ITGB8: variants seen among roughly 807,000 people sequenced by gnomAD.
ITGB8 encodes the protein integrin subunit beta 8.
A neutral mutation model predicts 89.5 loss-of-function variants in ITGB8; 30 were observed. The ratio of observed to expected loss-of-function variants is 0.34; its 90% confidence interval spans 0.25 to 0.45. The LOEUF (loss-of-function observed/expected upper bound fraction) is 0.45. ITGB8 is among the 20% of genes least tolerant of loss of function. The pLI is 1.00. For missense variants in ITGB8, 836 were observed against 933.3 expected, an observed-to-expected ratio of 0.90 and a Z score of 1.36; for synonymous variants, 335 against 320.4, an observed-to-expected ratio of 1.05 and a Z score of -0.49.
At chr7:20,336,679 C>T (rs1248038514) in intron 1 of ITGB8, among the ~76,000 whole-genome samples, 1 of 152,216 alleles carries the variant, frequency 6.6e-6, no homozygotes, top group Non-Finnish European at 1.5e-5. Flanking sequence ...TTCCTTTCTA[C>T]TCAGAACTTT....
At chr7:20,373,646 T>C (rs76635878) in intron 3 of ITGB8, among the ~76,000 whole-genome samples, 204 of 152,308 alleles carry the variant, frequency 1.3e-3, no homozygotes, top group African/African-American at 4.7e-3. Flanking sequence ...TTCCTCACTT[T>C]ATTTCCCACA....
intron 1 of ITGB8, among the ~76,000 whole-genome samples, chr7:20,335,996 T>C (rs998612990): frequency 3.1e-5 from 3 of 97,224 alleles, no homozygotes; most frequent in African/African-American, 1.2e-4. Flanking sequence ...CCAGTCTTGG[T>C]TTTCTTTTTT....
chr7:20,354,536 G>C (rs1785223655), intron 1 of ITGB8, among the ~76,000 whole-genome samples: 1 of 152,140 alleles, frequency 6.6e-6, no homozygotes, highest in Non-Finnish European at 1.5e-5. Context: ...ATCAGACCCA[G>C]TTCTGAGAGT....
chr7:20,339,073 T>C (rs1562649598), intron 1 of ITGB8, among the ~76,000 whole-genome samples: 1 of 151,466 alleles, frequency 6.6e-6, no homozygotes, highest in East Asian at 2.0e-4. Flanking sequence ...ACACCTACAG[T>C]CCCAGCTACT....
rs957256735 is a variant in ITGB8, at chr7:20,410,742, A to G, written c.*745A>G. On this transcript the variant is annotated 3_prime_UTR_variant, in exon 14 of 14. Transcript: ENST00000222573. ...TGCTAAGTTACTACTGCCATAAAAA[A>G]CTAATAATACAATGTCACTTTATCA... 1 of 152,648 alleles carries G rather than the reference A, an allele frequency of 6.6e-6. No individual in the cohort carries two copies. The highest frequency in any genetic ancestry group is 2.4e-5 in the African/African-American group (1 of 41,466). 9.5% of individuals were successfully genotyped at this position (152,648 alleles called of 1,614,324 possible). A position where few individuals can be genotyped will look rare whatever the true frequency, so the allele number is the denominator to read the frequency against.
chr7:20,404,563 G>A, intron 10 of ITGB8, 65 bp from the exon 11 acceptor site: 1 of 1,363,280 alleles, frequency 7.3e-7, no homozygotes, highest in Non-Finnish European at 1.0e-6. Context: ...AGGAATCCAT[G>A]GTTGAAAACT....
chr7:20,341,533 T>C (rs535301532), intron 1 of ITGB8, among the ~76,000 whole-genome samples: 80 of 152,314 alleles, frequency 5.3e-4, no homozygotes, highest in Admixed American at 9.8e-4. Context: ...GTTTAGAAGA[T>C]ATAGCATGTT....
chr7:20,410,739 A>G lies in ITGB8; in HGVS notation c.*742A>G, dbSNP rs1787732012. On this transcript the variant is annotated 3_prime_UTR_variant, in exon 14 of 14. Coordinates refer to ENST00000222573, the MANE Select transcript of ITGB8 (RefSeq NM_002214.3). ...AAGTGCTAAGTTACTACTGCCATAA[A>G]AAACTAATAATACAATGTCACTTTA... is the stretch of plus-strand genomic sequence containing the variant. The G allele has an allele frequency of 6.5e-6, 1 of 152,674 alleles. No homozygotes were observed. Among genetic ancestry groups the G allele is most frequent in the Non-Finnish European group, 1.5e-5 (1 of 68,032 alleles). The allele number at this position is 152,674 out of a possible 1,614,324, so 9.5% of individuals were successfully genotyped here.
intron 1 of ITGB8, among the ~76,000 whole-genome samples, chr7:20,336,006 T>C (rs1031720913): frequency 3.7e-5 from 4 of 108,640 alleles, no homozygotes; most frequent in African/African-American, 1.3e-4. Context: ...TTTTCTTTTT[T>C]TTTTTTTTTT....
intron 6 of ITGB8, among the ~76,000 whole-genome samples, chr7:20,384,778 C>A (rs909888044): frequency 6.6e-6 from 1 of 152,106 alleles, no homozygotes; most frequent in Non-Finnish European, 1.5e-5. Context: ...GAAAGTATAA[C>A]CAGATGATTT....
chr7:20,380,559 C>G, intron 4 of ITGB8, 107 bp from the exon 5 acceptor site: 1 of 884,820 alleles, frequency 1.1e-6, no homozygotes, highest in Non-Finnish European at 1.8e-6. Flanking sequence ...TTCCCTGGCA[C>G]AAAAGAAGTA....
intron 6 of ITGB8, among the ~76,000 whole-genome samples, chr7:20,388,827 C>A (rs1786738690): frequency 1.3e-5 from 2 of 152,110 alleles, no homozygotes; most frequent in Admixed American, 1.3e-4. Context: ...TGATGTTCCC[C>A]TCCCTGTGTC....
At chr7:20,399,638 G>C (rs1029532109) in intron 9 of ITGB8, among the ~76,000 whole-genome samples, 2 of 151,924 alleles carry the variant, frequency 1.3e-5, no homozygotes, top group African/African-American at 4.8e-5. Context: ...CACCAGAGGA[G>C]ATAGAGATTC....
chr7:20,365,009 T>C (rs1055503793), intron 2 of ITGB8: 2 of 152,184 alleles, frequency 1.3e-5, no homozygotes, highest in Admixed American at 6.5e-5. Flanking sequence ...CTTCAAAAGA[T>C]AGTACAGAAG....
At chr7:20,406,208 G>A (rs749999113) in intron 12 of ITGB8, 37 bp downstream of exon 12, 4 of 1,215,774 alleles carry the variant, frequency 3.3e-6, no homozygotes, top group Admixed American at 3.4e-5. Flanking sequence ...ACAGAAGAGT[G>A]TCTGTAGAGG....
intron 9 of ITGB8, among the ~76,000 whole-genome samples, chr7:20,400,208 A>T (rs1291550329): frequency 1.3e-5 from 2 of 151,638 alleles, no homozygotes; most frequent in Non-Finnish European, 1.5e-5. Context: ...TAGCTTTTAC[A>T]TTGTTTTTTT....
In ITGB8 at chr7:20,410,229, C is replaced by CACTTTACTGTAATATATAACTTATTT; in HGVS notation, c.*234_*259dup. On this transcript the variant is annotated 3_prime_UTR_variant, in exon 14 of 14. Transcript: ENST00000222573. The stretch of plus-strand genomic sequence containing the variant: ...CTGTTTGAGACTAGTGTCGTTGTAG[C>CACTTTACTGTAATATATAACTTATTT]ACTTTACTGTAATATATAACTTATT... 1 of 482,844 alleles carries CACTTTACTGTAATATATAACTTATTT rather than the reference C, an allele frequency of 2.1e-6. No individual in the cohort carries two copies. Among genetic ancestry groups the CACTTTACTGTAATATATAACTTATTT allele is most frequent in the Non-Finnish European group, 3.7e-6 (1 of 268,958 alleles). 29.9% of individuals were successfully genotyped at this position (482,844 alleles called of 1,614,324 possible).
rs1281240708 is a variant in ITGB8, at chr7:20,414,909, T to C, written c.*4912T>C. 1.3e-5 allele frequency: 2 copies of C among 152,512 alleles called. No homozygotes were observed. Among genetic ancestry groups the C allele is most frequent in the African/African-American group, 4.8e-5 (2 of 41,428 alleles). The allele number at this position is 152,512 out of a possible 1,614,324, so 9.4% of individuals were successfully genotyped here. A position where few individuals can be genotyped will look rare whatever the true frequency, so the allele number is the denominator to read the frequency against. On this transcript the variant is annotated 3_prime_UTR_variant, in exon 14 of 14. Transcript: ENST00000222573. Reference sequence around the variant, plus strand: ...CCTCTGCAACCTACTTCAGTTAGAATTGTCTAATACTGCTCTATTAATCAG... The same window carrying C: ...CCTCTGCAACCTACTTCAGTTAGAACTGTCTAATACTGCTCTATTAATCAG...
chr7:20,345,522 GA>G (rs1784895627), intron 1 of ITGB8, among the ~76,000 whole-genome samples: 1 of 152,066 alleles, frequency 6.6e-6, no homozygotes, highest in Admixed American at 6.6e-5. Flanking sequence ...TAAGCCTCAT[GA>G]AAAAAGACCA....
Sources: allele counts gnomAD v4.1 joint callset (sites outside exome capture counted in the v4.1 genomes callset), GRCh38; gene constraint gnomAD v4.1.1; transcripts MANE v1.5; gene names NCBI Gene and HGNC (gene_info 2026-07-23, HGNC 2026-07-21).